The following RGS6 variants were observed in gnomAD, a reference collection of about 807,000 sequenced individuals.
The protein encoded by RGS6 is regulator of G protein signaling 6.
Under a neutral mutation model 78.5 loss-of-function variants are expected in RGS6, and 30 were observed. The observed-to-expected ratio is 0.38, with a 90% CI of 0.29 to 0.52. RGS6 has a LOEUF of 0.52. Ranked by LOEUF, RGS6 falls within the 20% of genes least tolerant of loss-of-function variation. The pLI, the probability that RGS6 is intolerant of heterozygous loss-of-function variation, is 0.85. For synonymous variants in RGS6, 206 were observed against 206.0 expected (o/e 1.00, Z 0.00); for missense variants, 495 against 609.7 (o/e 0.81, Z 1.98).
At chr14:71,999,999 G>A (rs1316331125) in intron 2 of RGS6, among the ~76,000 whole-genome samples, 2 of 152,082 alleles carry the variant, frequency 1.3e-5, no homozygotes, top group Non-Finnish European at 2.9e-5. Flanking sequence ...AAACTCATCT[G>A]AACATTGTGA....
chr14:72,245,287 G>A (rs1198601073), intron 2 of RGS6, among the ~76,000 whole-genome samples: 1 of 152,192 alleles, frequency 6.6e-6, no homozygotes, highest in Non-Finnish European at 1.5e-5. Context: ...CGGTACTAGA[G>A]GAATTAAAGA....
Position 72,143,756 on chromosome 14 carries a change from A to T in RGS6, c.84+178881A>T, listed in dbSNP as rs895859273. Among the ~76,000 whole-genome samples, 9 of 152,318 alleles carry T rather than the reference A, an allele frequency of 5.9e-5. 1 individual carries two copies. The South Asian group carries it at 1.9e-3, about 32-fold the overall frequency. On this transcript the variant is annotated intron_variant, in intron 2 of 17. Transcript: ENST00000553525. ...AACATTTTCAAACATTTTAGTCTTA[A>T]ATTCTACCTTTAGAGTATTATTGAT...
chr14:72,425,174 T>C (rs1483603663), intron 3 of RGS6, among the ~76,000 whole-genome samples: 1 of 152,200 alleles, frequency 6.6e-6, no homozygotes. Context: ...AGTCTCACTG[T>C]GTCACCCAGG....
chr14:72,342,059 C>A lies in RGS6; in HGVS notation c.85-10036C>A, dbSNP rs764117212. Among the ~76,000 whole-genome samples, 91 of 152,218 alleles carry A rather than the reference C, an allele frequency of 6.0e-4. 1 individual carries two copies. The highest frequency in any genetic ancestry group is 3.3e-4 in the Admixed American group (5 of 15,300). On this transcript the variant is annotated intron_variant, in intron 2 of 17. Transcript: ENST00000553525. ...TAGAACTTGAATATTTTTGTAGAAA[C>A]TTAATATTAAAGGCCTTATGTTCAA...
At position 72,289,589 on chromosome 14, in the gene RGS6, C is replaced by T. The variant is rs187576984; in HGVS notation, c.85-62506C>T. ...CTATTATCATAGAACCTCATGTTCA[C>T]GCTGGGAGGTAGTTACTACTACCTT... On this transcript the variant is annotated intron_variant, in intron 2 of 17. Transcript: ENST00000553525. Among the ~76,000 whole-genome samples, 21 of 152,252 alleles carry T rather than the reference C, an allele frequency of 1.4e-4. No homozygotes were observed. In the East Asian group the frequency reaches 3.9e-3, roughly 28 times the overall value.
At chr14:72,063,000 T>G (rs1392550908) in intron 2 of RGS6, among the ~76,000 whole-genome samples, 1 of 152,076 alleles carries the variant, frequency 6.6e-6, no homozygotes, top group Non-Finnish European at 1.5e-5. Flanking sequence ...ATTTCTGTAT[T>G]TTTAGCAGAG....
intron 15 of RGS6, among the ~76,000 whole-genome samples, chr14:72,527,162 T>C (rs1200466540): frequency 6.6e-6 from 1 of 152,224 alleles, no homozygotes; most frequent in Non-Finnish European, 1.5e-5. Context: ...GTCTTGGCCA[T>C]TACCATTGCT....
the RGS6 span, among the ~76,000 whole-genome samples, chr14:71,920,569 T>A: frequency 1.3e-5 from 2 of 152,330 alleles, no homozygotes; most frequent in Middle Eastern, 6.8e-3. Context: ...AAAAAAACAC[T>A]TAGAGTTAAT....
chr14:71,982,007 C>G (rs111793065), intron 2 of RGS6, among the ~76,000 whole-genome samples: 4 of 151,744 alleles, frequency 2.6e-5, no homozygotes, highest in Admixed American at 6.6e-5. Context: ...TTTTTAAGCC[C>G]GTCGGAAAAG....
At chr14:72,296,604 C>G (rs2064869935) in intron 2 of RGS6, among the ~76,000 whole-genome samples, 1 of 152,144 alleles carries the variant, frequency 6.6e-6, no homozygotes, top group South Asian at 2.1e-4. Context: ...TGCTTATTGG[C>G]TATTCACCTA....
At chr14:72,530,214 A>G (rs1315388721) in intron 15 of RGS6, among the ~76,000 whole-genome samples, 3 of 152,192 alleles carry the variant, frequency 2.0e-5, no homozygotes, top group African/African-American at 7.2e-5. Context: ...AAGTCAGAAC[A>G]AGAAGCAGGG....
chr14:72,039,879 A>G (rs999582070), intron 2 of RGS6, among the ~76,000 whole-genome samples: 7 of 47,508 alleles, frequency 1.5e-4, no homozygotes, highest in Middle Eastern at 0.017. Context: ...TATGTCTTCT[A>G]TAGGTATTTT....
At chr14:72,506,646 C>T (rs909627344) in intron 13 of RGS6, among the ~76,000 whole-genome samples, 4 of 152,072 alleles carry the variant, frequency 2.6e-5, no homozygotes, top group African/African-American at 9.7e-5. Context: ...GTGGATCATC[C>T]AGTTGTAGTA....
At chr14:72,033,787 T>C (rs1415872642) in intron 2 of RGS6, among the ~76,000 whole-genome samples, 1 of 152,178 alleles carries the variant, frequency 6.6e-6, no homozygotes, top group African/African-American at 2.4e-5. Flanking sequence ...ATATGGCAAT[T>C]CTACTTTTAC....
rs567335197 is a variant in RGS6, at chr14:72,192,304, G to A, written c.85-159791G>A. On this transcript the variant is annotated intron_variant, in intron 2 of 17. Coordinates refer to ENST00000553525, the MANE Select transcript of RGS6 (RefSeq NM_001204424.2). ...TCGGGCAAGTAGATTAGGTTATATCGTTATCTCTGTTTATAGCTGTCTCAA... is the reference window on the plus strand; with the variant it reads ...TCGGGCAAGTAGATTAGGTTATATCATTATCTCTGTTTATAGCTGTCTCAA... Among the ~76,000 whole-genome samples the A allele has an allele frequency of 3.9e-5, 6 of 152,250 alleles. No individual in the cohort carries two copies. In the South Asian group the frequency reaches 8.3e-4, roughly 21 times the overall value.
chr14:72,068,990 G>A (rs1308796427), intron 2 of RGS6, among the ~76,000 whole-genome samples: 1 of 150,576 alleles, frequency 6.6e-6, no homozygotes, highest in Non-Finnish European at 1.5e-5. Flanking sequence ...TTATTTTTTT[G>A]AGATGGAGTC....
At chr14:72,370,198 A>G (rs2083211028) in intron 3 of RGS6, among the ~76,000 whole-genome samples, 1 of 152,142 alleles carries the variant, frequency 6.6e-6, no homozygotes, top group South Asian at 2.1e-4. Context: ...TAACAAGAGA[A>G]TAAAGAGTTA....
chr14:72,297,591 C>T (rs1334972443), intron 2 of RGS6, among the ~76,000 whole-genome samples: 18 of 118,750 alleles, frequency 1.5e-4, no homozygotes, highest in Non-Finnish European at 2.0e-4. Context: ...CACCCCACCA[C>T]AGTCCCCAGA....
intron 2 of RGS6, among the ~76,000 whole-genome samples, chr14:72,108,109 C>T (rs570606275): frequency 2.6e-5 from 4 of 152,200 alleles, no homozygotes; most frequent in South Asian, 2.1e-4. Context: ...CTGTAGTAGT[C>T]GCCTTAGGAA....
Sources: allele counts gnomAD v4.1 joint callset (sites outside exome capture counted in the v4.1 genomes callset), GRCh38; gene constraint gnomAD v4.1.1; transcripts MANE v1.5; gene names NCBI Gene and HGNC (gene_info 2026-07-23, HGNC 2026-07-21).